The following NDUFAF2 variants were observed in gnomAD, a reference collection of about 807,000 sequenced individuals.
The protein encoded by NDUFAF2 is NADH:ubiquinone oxidoreductase complex assembly factor 2, also known as NADH dehydrogenase [ubiquinone] 1 alpha subcomplex assembly factor 2.
A neutral mutation model predicts 22.8 loss-of-function variants in NDUFAF2; 13 were observed. The ratio of observed to expected loss-of-function variants is 0.57; its 90% CI spans 0.37 to 0.91. The LOEUF is 0.91. Among genes scored for constraint, NDUFAF2 ranks in the 40% least tolerant of loss-of-function variants. The pLI is 0.01. For missense variants in NDUFAF2, 162 were observed against 195.2 expected (o/e 0.83, Z 1.01); for synonymous variants, 53 against 64.2 (o/e 0.83, Z 0.84).
intron 3 of NDUFAF2, among the ~76,000 whole-genome samples, chr5:61,111,224 G>C (rs1752836616): frequency 6.6e-6 from 1 of 152,118 alleles, no homozygotes; most frequent in South Asian, 2.1e-4. Flanking sequence ...GCTGTTTTGT[G>C]GCCTAACGTA....
intron 1 of NDUFAF2, among the ~76,000 whole-genome samples, chr5:60,973,147 T>G (rs1750858241): frequency 6.6e-6 from 1 of 152,170 alleles, no homozygotes. Context: ...TAATTAAAGG[T>G]ATTGAATGCT....
rs552823389 is a variant in NDUFAF2, at chr5:60,993,155, G to A, written c.127+47773G>A. ...GGCACACCAGCTGCTGCAGCAGGGC[G>A]GGCAGCTCCAGGTGCAGCATGGGCA... On this transcript the variant is annotated intron_variant, in intron 1 of 3. Coordinates refer to ENST00000296597, the MANE Select transcript of NDUFAF2 (RefSeq NM_174889.5). Among the ~76,000 whole-genome samples the A allele has an allele frequency of 2.0e-4, 30 of 152,354 alleles. No homozygotes were observed. In the South Asian group the frequency reaches 4.8e-3, roughly 24 times the overall value.
chr5:60,997,522 A>T (rs543611916), intron 1 of NDUFAF2, among the ~76,000 whole-genome samples: 29 of 152,326 alleles, frequency 1.9e-4, no homozygotes, highest in East Asian at 5.8e-4. Flanking sequence ...TAAAAACTTT[A>T]TTGAGCTCTC....
chr5:61,073,278 T>A, intron 2 of NDUFAF2, 64 bp downstream of exon 2: 1 of 1,139,758 alleles, frequency 8.8e-7, no homozygotes, highest in Non-Finnish European at 1.3e-6. Flanking sequence ...ACAAATTCAA[T>A]AAGAGCATAT....
intron 3 of NDUFAF2, among the ~76,000 whole-genome samples, chr5:61,105,388 C>T (rs930623207): frequency 6.6e-6 from 1 of 151,208 alleles, no homozygotes; most frequent in East Asian, 1.9e-4. Flanking sequence ...TAGAATCCTA[C>T]TTCCTGATGA....
At chr5:60,951,974 GC>G (rs946154942) in intron 1 of NDUFAF2, among the ~76,000 whole-genome samples, 102 of 150,772 alleles carry the variant, frequency 6.8e-4, no homozygotes, top group Non-Finnish European at 1.3e-3. Context: ...TGAGTAGTTT[GC>G]CCTTTTTATC....
Sources: allele counts gnomAD v4.1 joint callset (sites outside exome capture counted in the v4.1 genomes callset), GRCh38; gene constraint gnomAD v4.1.1; transcripts MANE v1.5; gene names NCBI Gene and HGNC (gene_info 2026-07-23, HGNC 2026-07-21).